HHAT: variants seen among roughly 807,000 people sequenced by gnomAD.
The protein encoded by HHAT is protein-cysteine N-palmitoyltransferase HHAT.
In HHAT, 47 loss-of-function variants were observed where a neutral mutation model predicts 70.8. The observed-to-expected ratio is 0.66, with a 90% CI of 0.53 to 0.85. HHAT has a LOEUF of 0.85. Among genes scored for constraint, HHAT ranks in the 40% least tolerant of loss-of-function variants. The probability of loss-of-function intolerance (pLI) is 0.00; values close to 1 mark genes in which losing one functional copy is unlikely to be tolerated. For missense variants in HHAT, 609 were observed against 604.8 expected (o/e 1.01, Z -0.07); for synonymous variants, 228 against 247.6 (o/e 0.92, Z 0.74).
chr1:210,382,849 G>C (rs2090749662), intron 3 of HHAT, among the ~76,000 whole-genome samples: 2 of 152,172 alleles, frequency 1.3e-5, no homozygotes, highest in South Asian at 4.1e-4. Context: ...GGGAAGGGCA[G>C]AAAGTCCAGG....
chr1:210,368,283 TGA>T (rs1264452926), intron 3 of HHAT, among the ~76,000 whole-genome samples: 3 of 152,206 alleles, frequency 2.0e-5, no homozygotes, highest in Non-Finnish European at 4.4e-5. Flanking sequence ...TTGCTACATC[TGA>T]GAAAATAATT....
chr1:210,386,530 G>T (rs146117166), intron 3 of HHAT, among the ~76,000 whole-genome samples: 2 of 152,046 alleles, frequency 1.3e-5, no homozygotes, highest in Admixed American at 6.6e-5. Flanking sequence ...GAGCCACCGC[G>T]CCCGGCCTGC....
intron 11 of HHAT, among the ~76,000 whole-genome samples, chr1:210,663,890 A>G (rs1452807623): frequency 5.3e-5 from 8 of 152,230 alleles, no homozygotes; most frequent in Admixed American, 4.6e-4. Context: ...CGAATAGATG[A>G]CAACCATCTA....
intron 7 of HHAT, among the ~76,000 whole-genome samples, chr1:210,422,736 C>G (rs2092942958): frequency 6.6e-6 from 1 of 152,074 alleles, no homozygotes. Context: ...CTCTTGGTTT[C>G]AAGTATTCTC....
At chr1:210,623,089 G>A (rs1016191072) in intron 10 of HHAT, among the ~76,000 whole-genome samples, 6 of 152,074 alleles carry the variant, frequency 3.9e-5, no homozygotes, top group Admixed American at 1.3e-4. Flanking sequence ...GTTTTGTTTC[G>A]AGACACGCTC....
Position 210,490,612 on chromosome 1 carries a change from C to T in HHAT, c.1008-22541C>T, listed in dbSNP as rs1002539656. On this transcript the variant is annotated intron_variant, in intron 8 of 11. Transcript: ENST00000261458. ...CCCAGGTTTGAAATCCCCATGTGTC[C>T]TCAGGCAAATGAGATTATTGAGATT... 1.4e-4 allele frequency among the ~76,000 whole-genome samples: 21 copies of T among 152,254 alleles called. No individual in the cohort carries two copies. In the East Asian group the frequency reaches 3.5e-3, roughly 25 times the overall value.
At chr1:210,668,531 AT>A (rs1373258178) in intron 11 of HHAT, among the ~76,000 whole-genome samples, 53 of 152,292 alleles carry the variant, frequency 3.5e-4, no homozygotes, top group Middle Eastern at 3.4e-3. Flanking sequence ...ACCATGTAAG[AT>A]ATGCCTTTGC....
intron 8 of HHAT, among the ~76,000 whole-genome samples, chr1:210,491,757 T>C (rs1465672463): frequency 6.6e-6 from 1 of 152,100 alleles, no homozygotes; most frequent in African/African-American, 2.4e-5. Flanking sequence ...TTTGTCTGTA[T>C]TTAGCTTTTT....
At chr1:210,581,359 G>C (rs1659230876) in intron 9 of HHAT, among the ~76,000 whole-genome samples, 1 of 152,146 alleles carries the variant, frequency 6.6e-6, no homozygotes, top group African/African-American at 2.4e-5. Context: ...CTAAAATGTG[G>C]GCCAAGGCCA....
At chr1:210,332,248 G>A (rs1341347389) in intron 1 of HHAT, among the ~76,000 whole-genome samples, 2 of 152,206 alleles carry the variant, frequency 1.3e-5, no homozygotes, top group Non-Finnish European at 2.9e-5. Flanking sequence ...GACCAATTCG[G>A]TTTTTCTGAT....
chr1:210,451,572 T>TTTTATA (rs575873833), intron 7 of HHAT, among the ~76,000 whole-genome samples: 2 of 152,124 alleles, frequency 1.3e-5, no homozygotes, highest in Non-Finnish European at 2.9e-5. Flanking sequence ...TGAAATATCT[T>TTTTATA]TTTATATTTA....
chr1:210,658,480 T>C (rs572660362), intron 11 of HHAT, among the ~76,000 whole-genome samples: 1 of 152,202 alleles, frequency 6.6e-6, no homozygotes, highest in African/African-American at 2.4e-5. Flanking sequence ...ATTTGTATAG[T>C]TGGATTAAAA....
intron 11 of HHAT, among the ~76,000 whole-genome samples, chr1:210,672,951 A>G (rs1047815949): frequency 3.3e-5 from 5 of 152,198 alleles, no homozygotes; most frequent in African/African-American, 1.2e-4. Context: ...TAAGAAAAAA[A>G]TGTAGTTCAT....
intron 10 of HHAT, among the ~76,000 whole-genome samples, chr1:210,621,244 G>C (rs769326699): frequency 1.3e-5 from 2 of 152,028 alleles, no homozygotes; most frequent in Non-Finnish European, 2.9e-5. Flanking sequence ...GTGCACTCTC[G>C]GTAGTTGACG....
At chr1:210,648,664 A>T (rs923507914) in intron 11 of HHAT, among the ~76,000 whole-genome samples, 1 of 152,204 alleles carries the variant, frequency 6.6e-6, no homozygotes, top group African/African-American at 2.4e-5. Flanking sequence ...AAGCTGATTG[A>T]TTATGCACAA....
intron 9 of HHAT, among the ~76,000 whole-genome samples, chr1:210,537,468 C>T (rs999870697): frequency 2.0e-5 from 3 of 152,094 alleles, no homozygotes; most frequent in Non-Finnish European, 4.4e-5. Context: ...GTGGAGACTC[C>T]AATAATAATA....
chr1:210,590,531 A>C (rs1228785817), intron 10 of HHAT: 2 of 106,052 alleles, frequency 1.9e-5, no homozygotes, highest in Non-Finnish European at 3.6e-5. Flanking sequence ...CTGATGGTGT[A>C]AGTTCCAGTC....
At chr1:210,670,259 G>A (rs1679809207) in intron 11 of HHAT, among the ~76,000 whole-genome samples, 8 of 152,192 alleles carry the variant, frequency 5.3e-5, no homozygotes, top group Admixed American at 5.2e-4. Context: ...CCACATCAGT[G>A]CTTGCTTAGC....
chr1:210,641,265 T>C (rs1272350475), intron 11 of HHAT, among the ~76,000 whole-genome samples: 8 of 152,154 alleles, frequency 5.3e-5, no homozygotes, highest in Admixed American at 5.2e-4. Flanking sequence ...AACACACATA[T>C]AGTAAAATGC....
Sources: allele counts gnomAD v4.1 joint callset (sites outside exome capture counted in the v4.1 genomes callset), GRCh38; gene constraint gnomAD v4.1.1; transcripts MANE v1.5; gene names NCBI Gene and HGNC (gene_info 2026-07-23, HGNC 2026-07-21).